Variants in ARPIN observed in about 807,000 individuals in gnomAD.
ARPIN encodes actin related protein 2/3 complex inhibitor.
Under a neutral mutation model 25.9 loss-of-function variants are expected in ARPIN, and 23 were observed. The ratio of observed to expected loss-of-function variants is 0.89; its 90% CI spans 0.64 to 1.26. The LOEUF (loss-of-function observed/expected upper bound fraction) is 1.26. Ranked by LOEUF, ARPIN falls within the 50% of genes most tolerant of loss-of-function variation. The pLI is 0.00. For missense variants in ARPIN, 333 were observed against 312.2 expected (o/e 1.07, Z -0.50); for synonymous variants, 126 against 131.4 (o/e 0.96, Z 0.28).
chr15:89,902,241 T>C (rs2141918222), intron 5 of ARPIN, among the ~76,000 whole-genome samples: 1 of 152,082 alleles, frequency 6.6e-6, no homozygotes, highest in East Asian at 1.9e-4. Flanking sequence ...AAACCTCGTC[T>C]CTACTAAAAA....
At chr15:89,912,659 C>CCCAGGGGG in intron 1 of ARPIN, 85 bp downstream of exon 1, 2 of 1,161,518 alleles carry the variant, frequency 1.7e-6, no homozygotes, top group Non-Finnish European at 2.1e-6. Flanking sequence ...TTCCCCCACC[C>CCCAGGGGG]GCATCCCACC....
At chr15:89,911,879 T>C (rs1458822931) in intron 1 of ARPIN, among the ~76,000 whole-genome samples, 5 of 152,148 alleles carry the variant, frequency 3.3e-5, no homozygotes, top group Non-Finnish European at 7.3e-5. Context: ...CAGGATGGAG[T>C]GCAGTGGCAC....
intron 5 of ARPIN, among the ~76,000 whole-genome samples, chr15:89,902,292 C>T (rs1476941784): frequency 6.6e-6 from 1 of 152,096 alleles, no homozygotes; most frequent in Non-Finnish European, 1.5e-5. Flanking sequence ...CCTGTAATCC[C>T]AGCACTTTGG....
intron 2 of ARPIN, among the ~76,000 whole-genome samples, chr15:89,908,726 G>A (rs1897171653): frequency 6.6e-6 from 1 of 152,114 alleles, no homozygotes; most frequent in Non-Finnish European, 1.5e-5. Context: ...GCTCACGTCT[G>A]TAATCCCAGC....
Position 89,899,758 on chromosome 15 carries a change from C to T in ARPIN, c.*2037G>A, listed in dbSNP as rs1896989224. 6.6e-6 allele frequency: 1 copy of T among 152,406 alleles called. No homozygotes were observed. The highest frequency in any genetic ancestry group is 1.5e-5 in the Non-Finnish European group (1 of 68,082). The allele number at this position is 152,406 out of a possible 1,614,324, so 9.4% of individuals were successfully genotyped here. ...CGGCAGTCAAGTGACCTTTGAAACACAGATCAGATCTTCTCACTCTCCATG... is the reference window on the plus strand; with the variant it reads ...CGGCAGTCAAGTGACCTTTGAAACATAGATCAGATCTTCTCACTCTCCATG... On this transcript the variant is annotated 3_prime_UTR_variant, in exon 6 of 6. Coordinates refer to ENST00000357484, the MANE Select transcript of ARPIN (RefSeq NM_182616.4).
At chr15:89,903,119 G>C in intron 5 of ARPIN, 97 bp downstream of exon 5, 1 of 1,611,234 alleles carries the variant, frequency 6.2e-7, no homozygotes, top group South Asian at 1.1e-5. Flanking sequence ...TGGGGGGTAA[G>C]ATTCATCCTG....
chr15:89,896,425 G>A lies in ARPIN; in HGVS notation c.*5370C>T, dbSNP rs544839476. ...TAATTTTAATATGTGATGTAGGAGTGGGAAGGAATTCAGTAAATACTATTA... is the reference window on the plus strand; with the variant it reads ...TAATTTTAATATGTGATGTAGGAGTAGGAAGGAATTCAGTAAATACTATTA... On this transcript the variant is annotated 3_prime_UTR_variant, in exon 6 of 6. Transcript: ENST00000357484. 1 of 152,198 alleles carries A rather than the reference G, an allele frequency of 6.6e-6. No individual in the cohort carries two copies. Among genetic ancestry groups the A allele is most frequent in the South Asian group, 2.1e-4 (1 of 4,824 alleles). The allele number at this position is 152,198 out of a possible 1,614,324, so 9.4% of individuals were successfully genotyped here. A position where few individuals can be genotyped will look rare whatever the true frequency, so the allele number is the denominator to read the frequency against.
Position 89,895,929 on chromosome 15 carries a change from C to T in ARPIN, c.*5866G>A, listed in dbSNP as rs1896924187. 1 of 152,444 alleles carries T rather than the reference C, an allele frequency of 6.6e-6. No homozygotes were observed. The highest frequency in any genetic ancestry group is 1.5e-5 in the Non-Finnish European group (1 of 68,260). The allele number at this position is 152,444 out of a possible 1,614,324, so 9.4% of individuals were successfully genotyped here. A position where few individuals can be genotyped will look rare whatever the true frequency, so the allele number is the denominator to read the frequency against. The stretch of plus-strand genomic sequence containing the variant: ...TTTGAGATGGAGTCTCACTCTGTTG[C>T]CCAGGCTGGAGTGCAGTGGCACAAT... On this transcript the variant is annotated 3_prime_UTR_variant, in exon 6 of 6. Transcript: ENST00000357484.
intron 5 of ARPIN, among the ~76,000 whole-genome samples, chr15:89,902,191 C>G (rs1404091067): frequency 4.0e-5 from 6 of 151,846 alleles, no homozygotes; most frequent in Non-Finnish European, 7.4e-5. Flanking sequence ...GGTGGATCAC[C>G]CGAGGTCGGG....
In ARPIN at chr15:89,912,654, C is replaced by T. The variant is rs1050655374; in HGVS notation, c.92+90G>A. 4.0e-6 allele frequency: 5 copies of T among 1,246,666 alleles called. No homozygotes were observed. In the Admixed American group the frequency reaches 1.4e-4, roughly 35 times the overall value. The allele number at this position is 1,246,666 out of a possible 1,614,324, so 77.2% of individuals were successfully genotyped here. On this transcript the variant is annotated intron_variant, in intron 1 of 5. Transcript: ENST00000357484. Reference sequence around the variant, plus strand: ...CGGCTTTGGCAACCCCAGTTTTCCCCCACCCGCATCCCACCCCCCCACCCG... The same window carrying T: ...CGGCTTTGGCAACCCCAGTTTTCCCTCACCCGCATCCCACCCCCCCACCCG...
intron 5 of ARPIN, among the ~76,000 whole-genome samples, chr15:89,902,237 C>T (rs986696777): frequency 1.4e-4 from 21 of 151,942 alleles, no homozygotes; most frequent in African/African-American, 4.6e-4. Flanking sequence ...GGAGAAACCT[C>T]GTCTCTACTA....
chr15:89,912,721 C>G, intron 1 of ARPIN, 23 bp downstream of exon 1: 1 of 1,380,122 alleles, frequency 7.2e-7, no homozygotes, highest in African/African-American at 1.5e-5. Context: ...GAGGCCGACC[C>G]GAGGCCGTGA....
chr15:89,907,057 G>GTAT (rs56208607), intron 3 of ARPIN, among the ~76,000 whole-genome samples: 3 of 149,318 alleles, frequency 2.0e-5, no homozygotes, highest in African/African-American at 4.9e-5. Context: ...CCATCAAAAA[G>GTAT]TATTATTATT....
chr15:89,903,104 A>T (rs768676148), intron 5 of ARPIN, 112 bp downstream of exon 5: 1 of 1,604,094 alleles, frequency 6.2e-7, no homozygotes, highest in South Asian at 1.1e-5. Flanking sequence ...GAATTCCACT[A>T]AAGCTGGGGG....
In ARPIN at chr15:89,903,893, C is replaced by G; in HGVS notation, c.392G>C (p.Ser131Thr). ...CGCCACTGTGTGGTCGGGGGTGAGG[C>G]TCTCTGTCAGCGCGAGCAGCTCTGG... Reference protein sequence around the residue: ...NKPELLALTESLTPDHTVAFW... With the variant: ...NKPELLALTETLTPDHTVAFW... The change falls in exon 4 of 6, where the codon AGC (serine) becomes ACC (threonine). Residue 131 changes from serine (S) to threonine (T), a missense_variant. Physicochemically the swap from Ser to Thr is moderately conservative, Grantham distance 58. Coordinates refer to ENST00000357484, the MANE Select transcript of ARPIN (RefSeq NM_182616.4). 1.2e-6 allele frequency: 2 copies of G among 1,613,952 alleles called. No individual in the cohort carries two copies. The highest frequency in any genetic ancestry group is 1.7e-6 in the Non-Finnish European group (2 of 1,180,038).
intron 5 of ARPIN, 49 bp downstream of exon 5, chr15:89,903,167 T>A (rs1369474875): frequency 2.0e-5 from 33 of 1,614,024 alleles, no homozygotes; most frequent in Non-Finnish European, 2.7e-5. Context: ...AACCAGTATG[T>A]ACCATGCTCC....
intron 5 of ARPIN, 51 bp downstream of exon 5, chr15:89,903,165 T>G: frequency 6.2e-7 from 1 of 1,614,132 alleles, no homozygotes; most frequent in Non-Finnish European, 8.5e-7. Flanking sequence ...TCAACCAGTA[T>G]GTACCATGCT....
chr15:89,903,371 C>A lies in ARPIN; in HGVS notation c.517G>T (p.Ala173Ser), dbSNP rs867488433. ...GTCACTGTTCCAGCCTCAAGTTTGG[C>A]CAATGAATCTGAAAGAAGAGATGAA... ...RGDGPFLDSL[A>S]KLEAGTVTKC... Residue 173 changes from alanine (A) to serine (S), a missense_variant, in exon 5 of 6, where the codon GCC becomes TCC. By Grantham distance (99) the Ala-to-Ser change is moderately conservative. Transcript: ENST00000357484. 1.2e-6 allele frequency: 2 copies of A among 1,614,040 alleles called. No homozygotes were observed. The highest frequency in any genetic ancestry group is 1.7e-6 in the Non-Finnish European group (2 of 1,180,020).
At chr15:89,907,749 C>T (rs1475110460) in intron 3 of ARPIN, among the ~76,000 whole-genome samples, 2 of 152,152 alleles carry the variant, frequency 1.3e-5, no homozygotes, top group African/African-American at 4.8e-5. Flanking sequence ...ATGATTGCAC[C>T]TGAGAATAAC....
Sources: allele counts gnomAD v4.1 joint callset (sites outside exome capture counted in the v4.1 genomes callset), GRCh38; gene constraint gnomAD v4.1.1; transcripts MANE v1.5; gene names NCBI Gene and HGNC (gene_info 2026-07-23, HGNC 2026-07-21).